ITCH: variants seen among roughly 807,000 people sequenced by gnomAD.
The protein encoded by ITCH is E3 ubiquitin-protein ligase Itchy homolog.
Under a neutral mutation model 126.8 loss-of-function variants are expected in ITCH, and 28 were observed. The ratio of observed to expected loss-of-function variants is 0.22; its 90% CI spans 0.16 to 0.30. ITCH has a LOEUF of 0.30. ITCH is among the 10% of genes least tolerant of loss of function. The pLI is 1.00. For synonymous variants in ITCH, 342 were observed against 340.0 expected, an observed-to-expected ratio of 1.01 and a Z score of -0.06; for missense variants, 631 against 1,032.4, an observed-to-expected ratio of 0.61 and a Z score of 5.33.
rs1244008169 is a variant in ITCH at position 34,471,455 on chromosome 20, G to A, written c.1509G>A (p.Met503Ile). The A allele has an allele frequency of 1.9e-6, 3 of 1,602,696 alleles. No homozygotes were observed. Among genetic ancestry groups the A allele is most frequent in the East Asian group, 2.2e-5 (1 of 44,836 alleles). The change falls in exon 16 of 25, where the codon ATG (methionine) becomes ATA (isoleucine). Residue 503 changes from methionine to isoleucine, a missense_variant. Met to Ile is a conservative substitution (Grantham distance 10, BLOSUM62 1). This residue lies in a region of ITCH where 390 missense variants were observed against 731.6 expected (regional missense o/e 0.53). Coordinates refer to ENST00000374864, the MANE Select transcript of ITCH (RefSeq NM_031483.7). ...TTCTTCTATTTCAGCAACTGGCCAT[G>A]CCACAGCACATAAAGATTACAGTGA... ...YFRFWCQQLA[M>I]PQHIKITVTR... is the part of the protein sequence containing the mutation.
In ITCH at chr20:34,453,536, A is replaced by G. The variant is rs533723456; in HGVS notation, c.1211-3854A>G. Among the ~76,000 whole-genome samples, 8 of 152,264 alleles carry G rather than the reference A, an allele frequency of 5.3e-5. No homozygotes were observed. In the East Asian group the frequency reaches 7.7e-4, roughly 15 times the overall value. ...TGCTTGAGCCCCGGAGGTCAAGGCT[A>G]TAGTGCGCTGTGATTGTATCACTGC... On this transcript the variant is annotated intron_variant, in intron 12 of 24. Transcript: ENST00000374864.
intron 6 of ITCH, among the ~76,000 whole-genome samples, chr20:34,420,614 G>A (rs1980629967): frequency 6.6e-6 from 1 of 152,146 alleles, no homozygotes; most frequent in Non-Finnish European, 1.5e-5. Context: ...GAGTAGAATT[G>A]CTGATGCTTG....
intron 14 of ITCH, among the ~76,000 whole-genome samples, chr20:34,465,650 AT>A (rs1176028427): frequency 2.6e-5 from 4 of 151,806 alleles, no homozygotes; most frequent in African/African-American, 4.8e-5. Flanking sequence ...ATTCCTAAGT[AT>A]TTTTTATTCT....
intron 2 of ITCH, among the ~76,000 whole-genome samples, chr20:34,381,209 T>C (rs905199839): frequency 6.6e-6 from 1 of 151,322 alleles, no homozygotes; most frequent in African/African-American, 2.4e-5. Flanking sequence ...GAGACCAGCC[T>C]GGCCAACAAA....
chr20:34,487,012 G>GTT (rs34815799), intron 20 of ITCH, among the ~76,000 whole-genome samples: 48,346 of 107,668 alleles, frequency 0.45, 11,502 homozygotes, highest in Non-Finnish European at 0.51. Flanking sequence ...TATTTGTTAG[G>GTT]TTTTTTTTTT....
rs780831673 is a variant in ITCH at position 34,510,286 on chromosome 20, TA to T, written c.*2493del. On this transcript the variant is annotated 3_prime_UTR_variant, in exon 25 of 25. Transcript: ENST00000374864. Reference sequence around the variant, plus strand: ...ACTGCAAATAGACCGCAGACATAAATATCTACCAAATGCTATCTTAAATTTT... The same window carrying T: ...ACTGCAAATAGACCGCAGACATAAATTCTACCAAATGCTATCTTAAATTTT... 2.0e-5 allele frequency: 3 copies of T among 152,600 alleles called. No homozygotes were observed. Among genetic ancestry groups the T allele is most frequent in the Non-Finnish European group, 4.4e-5 (3 of 68,040 alleles). 9.5% of individuals were successfully genotyped at this position (152,600 alleles called of 1,614,324 possible).
chr20:34,424,613 T>C (rs1981242869), intron 7 of ITCH, 88 bp downstream of exon 7: 3 of 1,059,454 alleles, frequency 2.8e-6, no homozygotes, highest in Middle Eastern at 2.0e-4. Flanking sequence ...GTTCATGATA[T>C]AAGAATAAAT....
intron 14 of ITCH, among the ~76,000 whole-genome samples, chr20:34,466,766 T>C (rs1341433100): frequency 6.6e-6 from 1 of 152,184 alleles, no homozygotes; most frequent in Non-Finnish European, 1.5e-5. Flanking sequence ...ACACCACATA[T>C]CACAATTTGT....
intron 13 of ITCH, among the ~76,000 whole-genome samples, chr20:34,459,325 G>A (rs373801237): frequency 2.8e-4 from 43 of 152,298 alleles, no homozygotes; most frequent in Non-Finnish European, 4.7e-4. Context: ...AACCAGGGAA[G>A]TCTCTGGTAT....
intron 2 of ITCH, among the ~76,000 whole-genome samples, chr20:34,391,233 A>G (rs530674560): frequency 2.0e-5 from 3 of 152,218 alleles, no homozygotes; most frequent in Non-Finnish European, 4.4e-5. Context: ...ACTTCAAACA[A>G]TACATACAAA....
intron 16 of ITCH, among the ~76,000 whole-genome samples, chr20:34,475,535 A>G (rs544854697): frequency 1.1e-4 from 16 of 152,342 alleles, no homozygotes; most frequent in African/African-American, 2.4e-4. Flanking sequence ...CGTGCCTGCA[A>G]TCGTAGGCAC....
intron 12 of ITCH, chr20:34,451,011 G>C (rs1486974291): frequency 1.3e-5 from 2 of 152,184 alleles, no homozygotes; most frequent in Non-Finnish European, 2.9e-5. Context: ...TTGTGGGCCC[G>C]ATGCAGTGAC....
At chr20:34,485,917 C>G (rs1222257899) in intron 20 of ITCH, among the ~76,000 whole-genome samples, 1 of 152,206 alleles carries the variant, frequency 6.6e-6, no homozygotes, top group Non-Finnish European at 1.5e-5. Flanking sequence ...TCTCAGACTC[C>G]TTGCCTTAAG....
At chr20:34,470,421 A>AAT (rs11474698) in intron 15 of ITCH, among the ~76,000 whole-genome samples, 67,427 of 146,748 alleles carry the variant, frequency 0.46, 15,736 homozygotes, top group Non-Finnish European at 0.5. Flanking sequence ...TACCTCTGTA[A>AAT]ATATATATAT....
chr20:34,376,969 C>A (rs1467180367), intron 2 of ITCH, among the ~76,000 whole-genome samples: 1 of 152,180 alleles, frequency 6.6e-6, no homozygotes, highest in African/African-American at 2.4e-5. Flanking sequence ...GGCTATATTC[C>A]TCTTTTCATG....
At chr20:34,499,651 A>G (rs987747361) in intron 23 of ITCH, among the ~76,000 whole-genome samples, 13 of 149,092 alleles carry the variant, frequency 8.7e-5, no homozygotes, top group Non-Finnish European at 1.5e-4. Flanking sequence ...TTTTCATTTC[A>G]TCTATCTTTT....
At chr20:34,482,737 G>A (rs1024396782) in intron 20 of ITCH, among the ~76,000 whole-genome samples, 1 of 152,180 alleles carries the variant, frequency 6.6e-6, no homozygotes, top group Non-Finnish European at 1.5e-5. Context: ...CTAGAGGACG[G>A]TTGCCCTCTT....
At chr20:34,457,363 T>G (rs772219189) in intron 12 of ITCH, 27 bp from the exon 13 acceptor site, 1 of 1,535,454 alleles carries the variant, frequency 6.5e-7, no homozygotes, top group Non-Finnish European at 9.0e-7. Context: ...AATGCTTTGC[T>G]TTCCCCTGCC....
At chr20:34,463,745 G>A (rs1157923335) in intron 14 of ITCH, among the ~76,000 whole-genome samples, 1 of 148,926 alleles carries the variant, frequency 6.7e-6, no homozygotes, top group Non-Finnish European at 1.5e-5. Context: ...GGCTATTTGT[G>A]TATCTTCTTT....
Sources: gnomAD v4.1 joint callset for allele counts (sites outside exome capture counted in the v4.1 genomes callset) on GRCh38, gnomAD v4.1.1 for gene constraint, gnomAD v4.1.1 regional missense constraint, MANE v1.5 for transcripts, NCBI Gene and HGNC (gene_info 2026-07-23, HGNC 2026-07-21) for gene names.